Variants in MTNR1A observed in about 807,000 individuals in gnomAD.
The protein encoded by MTNR1A is melatonin receptor 1A.
In MTNR1A, 7 loss-of-function variants were observed where a neutral mutation model predicts 5.5. The observed-to-expected ratio is 1.28, with a 90% CI of 0.73 to 2.40. The LOEUF is 2.40. Ranked by LOEUF, MTNR1A falls within the 30% of genes most tolerant of loss-of-function variation. The pLI is 0.00. For synonymous variants in MTNR1A, 196 were observed against 202.7 expected (o/e 0.97, Z 0.28); for missense variants, 441 against 464.4 (o/e 0.95, Z 0.46).
chr4:186,536,361 A>G (rs886273441), intron 1 of MTNR1A, among the ~76,000 whole-genome samples: 3 of 99,572 alleles, frequency 3.0e-5, no homozygotes, highest in African/African-American at 1.1e-4. Flanking sequence ...AAAAAAAAGA[A>G]AAAAAAGAAA....
chr4:186,537,458 G>A (rs537210686), intron 1 of MTNR1A, among the ~76,000 whole-genome samples: 8 of 152,272 alleles, frequency 5.3e-5, no homozygotes, highest in Middle Eastern at 6.8e-3. Context: ...TATGCAACAA[G>A]CTTAATAATG....
intron 1 of MTNR1A, among the ~76,000 whole-genome samples, chr4:186,553,344 C>T (rs756270319): frequency 6.6e-6 from 1 of 152,154 alleles, no homozygotes; most frequent in Non-Finnish European, 1.5e-5. Context: ...ACTTCTAAAG[C>T]TGTGCGGATT....
At chr4:186,552,050 G>A (rs1201182882) in intron 1 of MTNR1A, among the ~76,000 whole-genome samples, 3 of 152,142 alleles carry the variant, frequency 2.0e-5, no homozygotes, top group East Asian at 1.9e-4. Flanking sequence ...GACATCTCTC[G>A]CTGATGAATC....
Position 186,533,678 on chromosome 4 carries a change from G to A in MTNR1A, c.*11C>T, listed in dbSNP as rs759083118. On this transcript the variant is annotated 3_prime_UTR_variant, in exon 2 of 2. Transcript: ENST00000307161. ...GCAGCGTGTCCATCTCACCCGGAAC[G>A]TGGTGCTTTTTTAAACGGAGTCCAC... 4.3e-6 allele frequency: 7 copies of A among 1,613,608 alleles called. No homozygotes were observed. The East Asian group carries it at 6.7e-5, about 15-fold the overall frequency.
At chr4:186,536,682 T>A (rs753015934) in intron 1 of MTNR1A, among the ~76,000 whole-genome samples, 1 of 152,204 alleles carries the variant, frequency 6.6e-6, no homozygotes, top group Non-Finnish European at 1.5e-5. Flanking sequence ...GCAGTCAAGA[T>A]GAGAGAAAGG....
intron 1 of MTNR1A, 142 bp from the exon 2 acceptor site, chr4:186,534,699 C>T (rs1274378488): frequency 3.4e-6 from 3 of 887,082 alleles, no homozygotes; most frequent in East Asian, 3.0e-5. Flanking sequence ...AAGTGGAGGC[C>T]GTTTCCCAGG....
rs138837121 is a variant in MTNR1A at position 186,533,740 on chromosome 4, T to A, written c.1002A>T (p.Lys334Asn). The stretch of plus-strand genomic sequence containing the variant: ...TATTGTTGGTCATCAGTGGAGACGG[T>A]TTCCATTTAACCCTATCGGCCACGT... ...SNDVADRVKW[K>N]PSPLMTNNNV... Residue 334 changes from lysine to asparagine, a missense_variant, in exon 2 of 2, where the codon AAA (lysine) becomes AAT (asparagine). Lys to Asn is a moderately conservative substitution (Grantham distance 94, BLOSUM62 0). Transcript: ENST00000307161. 4,386 of 1,614,154 alleles carry A rather than the reference T, an allele frequency of 2.7e-3. 7 individuals are homozygous for A. The highest frequency in any genetic ancestry group is 3.7e-3 in the Admixed American group (222 of 60,006).
At chr4:186,548,235 ACT>A (rs1219844864) in intron 1 of MTNR1A, among the ~76,000 whole-genome samples, 4 of 152,186 alleles carry the variant, frequency 2.6e-5, no homozygotes, top group Non-Finnish European at 4.4e-5. Flanking sequence ...CTAAATAATA[ACT>A]CTAAATTGCT....
At position 186,546,710 on chromosome 4, in the gene MTNR1A, A is replaced by C. The variant is rs187618240; in HGVS notation, c.184+8472T>G. 1.3e-4 allele frequency among the ~76,000 whole-genome samples: 19 copies of C among 141,122 alleles called. No homozygotes were observed. In the East Asian group the frequency reaches 3.9e-3, roughly 29 times the overall value. The allele number at this position is 141,122 out of a possible 152,430, so 92.6% of individuals were successfully genotyped here. On this transcript the variant is annotated intron_variant, in intron 1 of 1. Coordinates refer to ENST00000307161, the MANE Select transcript of MTNR1A (RefSeq NM_005958.4). ...CACACCACACCTGTTCATACAACAC[A>C]CCATCCACACCACACCCTGTTCATA...
At chr4:186,541,174 A>G (rs143820318) in intron 1 of MTNR1A, among the ~76,000 whole-genome samples, 47 of 152,326 alleles carry the variant, frequency 3.1e-4, no homozygotes, top group African/African-American at 1.1e-3. Flanking sequence ...ATGGCTTTTC[A>G]TGACCTACTG....
At chr4:186,537,814 C>T (rs62350382) in intron 1 of MTNR1A, among the ~76,000 whole-genome samples, 10,189 of 152,282 alleles carry the variant, frequency 0.067, 392 homozygotes, top group African/African-American at 0.099. Context: ...CTTACAGCCT[C>T]TCCAGGCACA....
chr4:186,546,144 C>T (rs1329790745), intron 1 of MTNR1A, among the ~76,000 whole-genome samples: 1 of 152,122 alleles, frequency 6.6e-6, no homozygotes, highest in Non-Finnish European at 1.5e-5. Flanking sequence ...GATTTGAGGG[C>T]GTGTGGCCCA....
chr4:186,544,855 G>A (rs181400912), intron 1 of MTNR1A, among the ~76,000 whole-genome samples: 9 of 152,246 alleles, frequency 5.9e-5, no homozygotes, highest in Admixed American at 2.6e-4. Flanking sequence ...TGTGAGTTCT[G>A]GGAGCCTTCA....
intron 1 of MTNR1A, among the ~76,000 whole-genome samples, chr4:186,538,054 A>G (rs1189871702): frequency 1.3e-5 from 2 of 152,254 alleles, no homozygotes; most frequent in African/African-American, 2.4e-5. Context: ...CTAAAATGTC[A>G]GCTTGCTGGG....
intron 1 of MTNR1A, among the ~76,000 whole-genome samples, chr4:186,549,075 T>C: frequency 6.6e-6 from 1 of 151,706 alleles, no homozygotes; most frequent in African/African-American, 2.4e-5. Flanking sequence ...CATCTTAAAA[T>C]AAAAATGAGT....
At chr4:186,548,692 CGGG>C (rs1411847521) in intron 1 of MTNR1A, among the ~76,000 whole-genome samples, 1 of 151,158 alleles carries the variant, frequency 6.6e-6, no homozygotes, top group Non-Finnish European at 1.5e-5. Context: ...TGGCAAAGCC[CGGG>C]TTTTACTCCA....
At chr4:186,539,952 C>T (rs139196492) in intron 1 of MTNR1A, among the ~76,000 whole-genome samples, 1 of 152,176 alleles carries the variant, frequency 6.6e-6, no homozygotes, top group Admixed American at 6.5e-5. Flanking sequence ...TAAAGACATA[C>T]TCGAGACTGG....
chr4:186,551,568 T>TGGAC (rs1737268368), intron 1 of MTNR1A, among the ~76,000 whole-genome samples: 1 of 152,122 alleles, frequency 6.6e-6, no homozygotes, highest in South Asian at 2.1e-4. Flanking sequence ...GATGGATGGA[T>TGGAC]GGACGGACGA....
chr4:186,544,741 G>A (rs372703068), intron 1 of MTNR1A, among the ~76,000 whole-genome samples: 40 of 152,236 alleles, frequency 2.6e-4, no homozygotes, highest in East Asian at 1.5e-3. Flanking sequence ...GGTTAGCAGG[G>A]CCCATTACCA....
Sources: allele counts gnomAD v4.1 joint callset (sites outside exome capture counted in the v4.1 genomes callset), GRCh38; gene constraint gnomAD v4.1.1; transcripts MANE v1.5; gene names NCBI Gene and HGNC (gene_info 2026-07-23, HGNC 2026-07-21).